The following NCOA2 variants were observed in gnomAD, a reference collection of about 807,000 sequenced individuals.
NCOA2 encodes the protein nuclear receptor coactivator 2.
A neutral mutation model predicts 145.1 loss-of-function variants in NCOA2; 21 were observed. The ratio of observed to expected loss-of-function variants is 0.14; its 90% CI spans 0.10 to 0.21. The LOEUF is 0.21. NCOA2 is among the 10% of genes least tolerant of loss of function. The probability of loss-of-function intolerance (pLI) is 1.00; values close to 1 mark genes in which losing one functional copy is unlikely to be tolerated. For synonymous variants in NCOA2, 619 were observed against 637.5 expected (o/e 0.97, Z 0.44); for missense variants, 1,472 against 1,837.6 (o/e 0.80, Z 3.64).
chr8:70,167,226 G>A (rs1423226153), intron 6 of NCOA2, among the ~76,000 whole-genome samples: 1 of 152,300 alleles, frequency 6.6e-6, no homozygotes, highest in Non-Finnish European at 1.5e-5. Flanking sequence ...TGTAGTGCAC[G>A]TTAAATTCTT....
chr8:70,234,565 G>A (rs1821433712), intron 2 of NCOA2, among the ~76,000 whole-genome samples: 1 of 151,770 alleles, frequency 6.6e-6, no homozygotes. Context: ...CCATCCTACT[G>A]GATATTAAGC....
intron 1 of NCOA2, among the ~76,000 whole-genome samples, chr8:70,384,972 TA>T: frequency 6.6e-6 from 1 of 152,362 alleles, no homozygotes; most frequent in East Asian, 1.9e-4. Context: ...GAAACACAGT[TA>T]CTCTAAACAG....
chr8:70,402,830 G>C (rs1032541869), intron 1 of NCOA2, among the ~76,000 whole-genome samples: 9 of 146,998 alleles, frequency 6.1e-5, no homozygotes, highest in African/African-American at 2.3e-4. Flanking sequence ...CACCCAGAAA[G>C]TTCAGTCAGG....
At position 70,128,467 on chromosome 8, in the gene NCOA2, A is replaced by C; in HGVS notation, c.3647T>G (p.Val1216Gly). The C allele has an allele frequency of 1.9e-6, 3 of 1,612,996 alleles. No homozygotes were observed. Among genetic ancestry groups the C allele is most frequent in the Non-Finnish European group, 2.5e-6 (3 of 1,179,492 alleles). ...LMNQISNVSN[V>G]NLTLRPGVPT... The stretch of plus-strand genomic sequence containing the variant: ...TACTCCAGGCCTCAGAGTCAAGTTC[A>C]CATTGGAAACATTGCTGATTTGATT... Residue 1216 changes from valine (V) to glycine (G), a missense_variant, in exon 18 of 23, where the codon GTG (valine) becomes GGG (glycine). By Grantham distance (109) the Val-to-Gly change is moderately radical. Coordinates refer to ENST00000452400, the MANE Select transcript of NCOA2 (RefSeq NM_006540.4).
chr8:70,188,118 G>C (rs1345676100), intron 4 of NCOA2, among the ~76,000 whole-genome samples: 2 of 152,208 alleles, frequency 1.3e-5, no homozygotes, highest in African/African-American at 4.8e-5. Context: ...ACAGAAGGTA[G>C]CCTTTTTTTT....
chr8:70,404,363 G>T (rs1356162095), upstream of NCOA2, among the ~76,000 whole-genome samples: 1 of 152,228 alleles, frequency 6.6e-6, no homozygotes, highest in Non-Finnish European at 1.5e-5. Flanking sequence ...GGTGCCCCAG[G>T]ACGAAGATCG....
At chr8:70,456,058 C>G in the NCOA2 span, among the ~76,000 whole-genome samples, 1 of 149,438 alleles carries the variant, frequency 6.7e-6, no homozygotes, top group African/African-American at 2.5e-5. Context: ...CTAGAGTAAC[C>G]ATTGTAACAT....
intron 7 of NCOA2, among the ~76,000 whole-genome samples, chr8:70,166,010 GACAGGGTTTC>G (rs1184699188): frequency 1.3e-5 from 2 of 152,102 alleles, no homozygotes; most frequent in Non-Finnish European, 2.9e-5. Flanking sequence ...TTTTAGTAGA[GACAGGGTTTC>G]ACCATGTTGG....
At chr8:70,384,401 G>A (rs931842720) in intron 1 of NCOA2, among the ~76,000 whole-genome samples, 1 of 152,074 alleles carries the variant, frequency 6.6e-6, no homozygotes, top group African/African-American at 2.4e-5. Flanking sequence ...TAAGTCTTAT[G>A]CAGGAATTTT....
At chr8:70,182,546 T>TTAGG (rs1299365164) in intron 4 of NCOA2, among the ~76,000 whole-genome samples, 1 of 152,184 alleles carries the variant, frequency 6.6e-6, no homozygotes, top group Non-Finnish European at 1.5e-5. Flanking sequence ...GACAGAATAT[T>TTAGG]TAGGCTTTGA....
intron 1 of NCOA2, among the ~76,000 whole-genome samples, chr8:70,354,099 CAAG>C (rs1183663508): frequency 6.6e-6 from 1 of 152,100 alleles, no homozygotes; most frequent in Admixed American, 6.5e-5. Context: ...AGGGTATGAC[CAAG>C]AAGGTTTCAG....
rs111631240 is a variant in NCOA2, at chr8:70,192,935, C to T, written c.260-18076G>A. On this transcript the variant is annotated intron_variant, in intron 4 of 22. Transcript: ENST00000452400. ...TACGAAAATTAGCCGGGCATGGTGGCGCATGTCTGTAATCCCAGCTACTCA... is the reference window on the plus strand; with the variant it reads ...TACGAAAATTAGCCGGGCATGGTGGTGCATGTCTGTAATCCCAGCTACTCA... 1.0e-2 allele frequency among the ~76,000 whole-genome samples: 1,515 copies of T among 151,760 alleles called. 22 individuals are homozygous for T. The highest frequency in any genetic ancestry group is 0.034 in the African/African-American group (1,420 of 41,358).
At chr8:70,355,171 TG>T (rs1218584122) in intron 1 of NCOA2, among the ~76,000 whole-genome samples, 10 of 152,226 alleles carry the variant, frequency 6.6e-5, no homozygotes, top group Admixed American at 6.5e-4. Flanking sequence ...GTGTGGCACA[TG>T]GCCAGATCAG....
the NCOA2 span, among the ~76,000 whole-genome samples, chr8:70,420,575 A>T: frequency 1.3e-5 from 2 of 152,134 alleles, no homozygotes; most frequent in Non-Finnish European, 2.9e-5. Context: ...GGAGGTGGGG[A>T]GTTTAAAGAG....
intron 2 of NCOA2, among the ~76,000 whole-genome samples, chr8:70,251,808 A>G (rs984569785): frequency 2.6e-5 from 4 of 152,254 alleles, no homozygotes; most frequent in African/African-American, 9.6e-5. Context: ...TGTGAGAGCC[A>G]TCTAGGCCTG....
rs997601196 is a variant in NCOA2 at position 70,351,504 on chromosome 8, A to G, written c.-77+52196T>C. 3.3e-5 allele frequency among the ~76,000 whole-genome samples: 5 copies of G among 152,080 alleles called. No individual in the cohort carries two copies. In the South Asian group the frequency reaches 8.3e-4, roughly 25 times the overall value. Reference sequence around the variant, plus strand: ...CCCTGAGTATATAATTTACACATGAATATCAACCAATTTCAATAATTACTA... The same window carrying G: ...CCCTGAGTATATAATTTACACATGAGTATCAACCAATTTCAATAATTACTA... On this transcript the variant is annotated intron_variant, in intron 1 of 22. Transcript: ENST00000452400.
intron 5 of NCOA2, 104 bp from the exon 6 acceptor site, chr8:70,170,483 A>ACACG (rs1814127680): frequency 1.5e-5 from 14 of 922,876 alleles, no homozygotes; most frequent in Admixed American, 1.1e-4. Context: ...ATTCACACAC[A>ACACG]GATAGAAAAG....
At chr8:70,169,174 G>A (rs1053595989) in intron 6 of NCOA2, among the ~76,000 whole-genome samples, 1 of 152,204 alleles carries the variant, frequency 6.6e-6, no homozygotes, top group Non-Finnish European at 1.5e-5. Context: ...CTTAGTGAGT[G>A]GGAACAGCAG....
intron 19 of NCOA2, among the ~76,000 whole-genome samples, chr8:70,125,212 T>TAC (rs202164763): frequency 1.2e-4 from 19 of 152,202 alleles, no homozygotes; most frequent in South Asian, 6.2e-4. Context: ...TATATATATA[T>TAC]ACACATATAA....
Sources: gnomAD v4.1 joint callset for allele counts (sites outside exome capture counted in the v4.1 genomes callset) on GRCh38, gnomAD v4.1.1 for gene constraint, MANE v1.5 for transcripts, NCBI Gene and HGNC (gene_info 2026-07-23, HGNC 2026-07-21) for gene names.